Variants in ZFHX3 observed in about 807,000 individuals in gnomAD.
ZFHX3 encodes the protein zinc finger homeobox protein 3.
A neutral mutation model predicts 279.1 loss-of-function variants in ZFHX3; 42 were observed. The observed-to-expected ratio is 0.15, with a 90% confidence interval of 0.12 to 0.19. The LOEUF is 0.19. Among genes scored for constraint, ZFHX3 ranks in the 10% least tolerant of loss-of-function variants. The probability of loss-of-function intolerance (pLI) is 1.00; values close to 1 mark genes in which losing one functional copy is unlikely to be tolerated. For missense variants in ZFHX3, 4,981 were observed against 4,754.0 expected (o/e 1.05, Z -1.40); for synonymous variants, 2,293 against 1,957.8 (o/e 1.17, Z -4.52).
At chr16:73,714,152 T>C (rs1467983382) in intron 1 of ZFHX3, among the ~76,000 whole-genome samples, 1 of 152,204 alleles carries the variant, frequency 6.6e-6, no homozygotes, top group Non-Finnish European at 1.5e-5. Flanking sequence ...GCATGCTGCT[T>C]GGGTGACCCA....
At chr16:73,710,652 C>T (rs2053351742) in intron 1 of ZFHX3, among the ~76,000 whole-genome samples, 1 of 152,202 alleles carries the variant, frequency 6.6e-6, no homozygotes, top group Non-Finnish European at 1.5e-5. Flanking sequence ...ACAAAGGTGG[C>T]TTTCCAGCAG....
chr16:73,040,185 A>G (rs1025876586), intron 1 of ZFHX3, among the ~76,000 whole-genome samples: 16 of 152,116 alleles, frequency 1.1e-4, no homozygotes, highest in Admixed American at 6.5e-4. Context: ...CTGACCACAC[A>G]GGCTAGGCCT....
chr16:73,600,922 T>C (rs2052107876), intron 2 of ZFHX3, among the ~76,000 whole-genome samples: 1 of 151,988 alleles, frequency 6.6e-6, no homozygotes, highest in Non-Finnish European at 1.5e-5. Flanking sequence ...AGCTATTCTT[T>C]ACACCTAGCA....
At chr16:72,865,956 G>A (rs572355016) in intron 4 of ZFHX3, among the ~76,000 whole-genome samples, 2 of 152,282 alleles carry the variant, frequency 1.3e-5, no homozygotes, top group East Asian at 1.9e-4. Flanking sequence ...AGTGGGAAAG[G>A]GAGACCCGGG....
intron 1 of ZFHX3, among the ~76,000 whole-genome samples, chr16:72,975,969 T>C (rs1962330174): frequency 6.6e-6 from 1 of 152,182 alleles, no homozygotes; most frequent in South Asian, 2.1e-4. Context: ...GTTACATATT[T>C]TTCCTTAATG....
At chr16:73,648,739 T>C (rs1215766225) in intron 2 of ZFHX3, among the ~76,000 whole-genome samples, 1 of 152,178 alleles carries the variant, frequency 6.6e-6, no homozygotes, top group Non-Finnish European at 1.5e-5. Flanking sequence ...AATAATATTA[T>C]AATTTGCTTT....
At chr16:72,827,005 A>G (rs2036949302) in intron 5 of ZFHX3, among the ~76,000 whole-genome samples, 1 of 152,210 alleles carries the variant, frequency 6.6e-6, no homozygotes, top group African/African-American at 2.4e-5. Flanking sequence ...AACTGGTTGG[A>G]AGGATTAGAG....
intron 5 of ZFHX3, among the ~76,000 whole-genome samples, chr16:72,829,159 C>G (rs915593523): frequency 2.0e-5 from 3 of 149,708 alleles, no homozygotes; most frequent in African/African-American, 7.3e-5. Context: ...TGTGTGCCAC[C>G]ACACCCAGCA....
chr16:73,374,355 C>T (rs2016685280), intron 3 of ZFHX3, among the ~76,000 whole-genome samples: 2 of 150,916 alleles, frequency 1.3e-5, no homozygotes, highest in South Asian at 2.1e-4. Flanking sequence ...GTCTTGTCAT[C>T]GGCCATTCAA....
At chr16:73,326,843 T>G (rs2015700404) in intron 3 of ZFHX3, among the ~76,000 whole-genome samples, 1 of 152,222 alleles carries the variant, frequency 6.6e-6, no homozygotes, top group African/African-American at 2.4e-5. Context: ...TGTATTTATT[T>G]AAATATTGAA....
chr16:73,251,108 A>C (rs1220187944), intron 5 of ZFHX3, among the ~76,000 whole-genome samples: 1 of 152,208 alleles, frequency 6.6e-6, no homozygotes, highest in Non-Finnish European at 1.5e-5. Flanking sequence ...AACTACGGGC[A>C]GTTAAAACTC....
intron 7 of ZFHX3, chr16:72,807,297 T>C (rs760229500): frequency 6.6e-6 from 1 of 152,236 alleles, no homozygotes; most frequent in Non-Finnish European, 1.5e-5. Flanking sequence ...CCTTCTTTGA[T>C]ATGACGTGTG....
At chr16:72,998,680 A>G (rs951221392) in intron 1 of ZFHX3, among the ~76,000 whole-genome samples, 1 of 152,180 alleles carries the variant, frequency 6.6e-6, no homozygotes, top group Admixed American at 6.5e-5. Flanking sequence ...AACCTAAAAC[A>G]TAACTCTGAT....
At chr16:73,307,846 A>G (rs1597275572) in intron 4 of ZFHX3, among the ~76,000 whole-genome samples, 1 of 152,106 alleles carries the variant, frequency 6.6e-6, no homozygotes, top group African/African-American at 2.4e-5. Context: ...TTTCAGATTA[A>G]ATGAACTGTG....
intron 2 of ZFHX3, among the ~76,000 whole-genome samples, chr16:73,589,447 A>AG (rs1241859082): frequency 6.8e-6 from 1 of 147,670 alleles, no homozygotes; most frequent in Non-Finnish European, 1.5e-5. Context: ...AAAAAAAAAA[A>AG]AAGGCTGGGC....
chr16:73,879,008 C>T lies in ZFHX3; in HGVS notation c.-1608+12643G>A, dbSNP rs180740776. 4.0e-3 allele frequency among the ~76,000 whole-genome samples: 594 copies of T among 149,170 alleles called. 4 individuals carry two copies. Among genetic ancestry groups the T allele is most frequent in the Non-Finnish European group, 6.7e-3 (452 of 67,436 alleles). On this transcript the variant is annotated intron_variant, in intron 1 of 17. Coordinates refer to the ZFHX3 transcript ENST00000641206. ...TCCTATTATAGATCATTATGTTCTTCCTCTGAGATCTCCTCCCAGCATTTT... is the reference window on the plus strand; with the variant it reads ...TCCTATTATAGATCATTATGTTCTTTCTCTGAGATCTCCTCCCAGCATTTT...
chr16:73,346,720 C>T (rs1203493982), intron 3 of ZFHX3, among the ~76,000 whole-genome samples: 1 of 152,178 alleles, frequency 6.6e-6, no homozygotes, highest in Non-Finnish European at 1.5e-5. Context: ...GATCTGCCCA[C>T]CTCGGCCTCC....
intron 5 of ZFHX3, among the ~76,000 whole-genome samples, chr16:73,167,558 T>C (rs1290872389): frequency 6.6e-6 from 1 of 152,102 alleles, no homozygotes; most frequent in East Asian, 1.9e-4. Context: ...AAAAAAATAA[T>C]AATAATTTCT....
intron 2 of ZFHX3, among the ~76,000 whole-genome samples, chr16:73,672,569 G>C (rs866745784): frequency 1.5e-4 from 23 of 152,028 alleles, no homozygotes; most frequent in Non-Finnish European, 3.2e-4. Flanking sequence ...ACAGAAATTA[G>C]TAATATAGAA....
Sources: gnomAD v4.1 joint callset for allele counts (sites outside exome capture counted in the v4.1 genomes callset) on GRCh38, gnomAD v4.1.1 for gene constraint, MANE v1.5 for transcripts, NCBI Gene and HGNC (gene_info 2026-07-23, HGNC 2026-07-21) for gene names.